The following CA8 variants were observed in gnomAD, a reference collection of about 807,000 sequenced individuals.
The protein encoded by CA8 is carbonic anhydrase-related protein.
In CA8, 22 loss-of-function variants were observed where a neutral mutation model predicts 41.4. The ratio of observed to expected loss-of-function variants is 0.53; its 90% confidence interval spans 0.38 to 0.76. CA8 has a LOEUF of 0.76. Ranked by LOEUF, CA8 falls within the 30% of genes least tolerant of loss-of-function variation. CA8 has a pLI of 0.00. For synonymous variants in CA8, 121 were observed against 130.6 expected (o/e 0.93, Z 0.50); for missense variants, 270 against 352.8 (o/e 0.77, Z 1.88).
At chr8:60,219,252 G>A (rs1167833299) in intron 7 of CA8, among the ~76,000 whole-genome samples, 2 of 151,500 alleles carry the variant, frequency 1.3e-5, no homozygotes, top group South Asian at 2.1e-4. Flanking sequence ...TCCACCACCC[G>A]GGTTCAAGCA....
chr8:60,227,844 CCA>C (rs1379799670), intron 4 of CA8, among the ~76,000 whole-genome samples: 2 of 151,866 alleles, frequency 1.3e-5, no homozygotes, highest in African/African-American at 4.8e-5. Flanking sequence ...TAAAATGCTC[CCA>C]AAAAATGGAG....
chr8:60,249,383 T>C lies in CA8; in HGVS notation c.417+16542A>G, dbSNP rs899407025. 3.3e-5 allele frequency among the ~76,000 whole-genome samples: 5 copies of C among 152,222 alleles called. No homozygotes were observed. The South Asian group carries it at 1.0e-3, about 32-fold the overall frequency. On this transcript the variant is annotated intron_variant, in intron 3 of 8. Transcript: ENST00000317995. ...TATTTCCTACTATTTCTTAGTGGTGTCTTCCATTGTTTACCTAAAACCAAT... is the reference window on the plus strand; with the variant it reads ...TATTTCCTACTATTTCTTAGTGGTGCCTTCCATTGTTTACCTAAAACCAAT...
rs377529327 is a variant in CA8 at position 60,281,177 on chromosome 8, C to G, written c.-30G>C. 6 of 1,480,748 alleles carry G rather than the reference C, an allele frequency of 4.1e-6. No individual in the cohort carries two copies. The highest frequency in any genetic ancestry group is 3.6e-5 in the South Asian group (3 of 82,816). The allele number at this position is 1,480,748 out of a possible 1,614,324, so 91.7% of individuals were successfully genotyped here. On this transcript the variant is annotated 5_prime_UTR_variant, in exon 1 of 9. Coordinates refer to ENST00000317995, the MANE Select transcript of CA8 (RefSeq NM_004056.6). ...AGGCCGCGGGGCCCCTCGGCGCTCT[C>G]GGCAGCAGTGCCTGCGCCTTCGCTG...
chr8:60,196,681 T>C (rs1274110611), intron 8 of CA8, among the ~76,000 whole-genome samples: 1 of 152,164 alleles, frequency 6.6e-6, no homozygotes, highest in Non-Finnish European at 1.5e-5. Context: ...TTCCTTTTTC[T>C]CTTTTATTTT....
At chr8:60,242,712 C>T (rs575573452) in intron 3 of CA8, among the ~76,000 whole-genome samples, 3 of 152,300 alleles carry the variant, frequency 2.0e-5, no homozygotes, top group East Asian at 3.9e-4. Flanking sequence ...GACTGTCTAT[C>T]GTGTGATGCC....
intron 7 of CA8, 26 bp from the exon 8 acceptor site, chr8:60,208,945 G>A (rs1299772163): frequency 1.2e-6 from 2 of 1,611,794 alleles, no homozygotes; most frequent in African/African-American, 1.3e-5. Context: ...GAAGAAAATA[G>A]ATTAATCAAT....
chr8:60,274,614 C>T (rs992807056), intron 2 of CA8, among the ~76,000 whole-genome samples: 21 of 152,214 alleles, frequency 1.4e-4, no homozygotes, highest in African/African-American at 4.8e-4. Context: ...TGGGATGAGG[C>T]TCTTATAAAA....
intron 7 of CA8, among the ~76,000 whole-genome samples, chr8:60,213,766 CTTT>C (rs111255981): frequency 2.1e-5 from 3 of 145,110 alleles, no homozygotes; most frequent in Admixed American, 1.4e-4. Context: ...TTTCTTTTGA[CTTT>C]TTTTTTTTTT....
At chr8:60,235,681 T>C (rs1449189831) in intron 3 of CA8, among the ~76,000 whole-genome samples, 5 of 152,190 alleles carry the variant, frequency 3.3e-5, no homozygotes, top group African/African-American at 4.8e-5. Flanking sequence ...ATAAGTGCTT[T>C]TGAAGGACTA....
intron 8 of CA8, among the ~76,000 whole-genome samples, chr8:60,200,619 T>A (rs945916422): frequency 1.3e-5 from 2 of 152,230 alleles, no homozygotes; most frequent in Non-Finnish European, 2.9e-5. Context: ...TATCAGTAGA[T>A]CTAATGTAGA....
At chr8:60,217,740 C>A (rs538996994) in intron 7 of CA8, among the ~76,000 whole-genome samples, 2 of 152,280 alleles carry the variant, frequency 1.3e-5, no homozygotes, top group Non-Finnish European at 2.9e-5. Context: ...GTCAACCAAG[C>A]CAAATCCAGG....
chr8:60,226,775 G>T, intron 5 of CA8, 98 bp downstream of exon 5: 1 of 726,122 alleles, frequency 1.4e-6, no homozygotes. Context: ...GCTTTTCTGA[G>T]ATCTGTGAGT....
At chr8:60,231,819 C>T (rs916575190) in intron 4 of CA8, among the ~76,000 whole-genome samples, 1 of 152,196 alleles carries the variant, frequency 6.6e-6, no homozygotes, top group African/African-American at 2.4e-5. Context: ...CTGCCAAGGT[C>T]TTTGCCAGTC....
intron 4 of CA8, among the ~76,000 whole-genome samples, chr8:60,230,983 CTTATTT>C (rs1163830772): frequency 6.6e-6 from 1 of 151,424 alleles, no homozygotes; most frequent in African/African-American, 2.4e-5. Context: ...TATTTGTATT[CTTATTT>C]TTATTTTATT....
At chr8:60,231,959 G>A (rs1807662739) in intron 4 of CA8, among the ~76,000 whole-genome samples, 1 of 152,014 alleles carries the variant, frequency 6.6e-6, no homozygotes, top group African/African-American at 2.4e-5. Flanking sequence ...AGATTTTTCT[G>A]TAAACCAGGG....
At chr8:60,190,718 T>C (rs1390529218) in intron 8 of CA8, among the ~76,000 whole-genome samples, 1 of 149,814 alleles carries the variant, frequency 6.7e-6, no homozygotes, top group African/African-American at 2.4e-5. Flanking sequence ...CATATAATTA[T>C]CCAATCATAC....
chr8:60,252,805 T>A (rs1364003863), intron 3 of CA8, among the ~76,000 whole-genome samples: 2 of 150,978 alleles, frequency 1.3e-5, no homozygotes, highest in Non-Finnish European at 2.9e-5. Context: ...AACTAGTGAA[T>A]ATATGAATAT....
intron 3 of CA8, among the ~76,000 whole-genome samples, chr8:60,237,498 G>A (rs551340388): frequency 6.6e-6 from 1 of 152,346 alleles, no homozygotes; most frequent in South Asian, 2.1e-4. Context: ...TTTAGAAGTA[G>A]ACGGGTCACT....
chr8:60,190,646 T>C (rs1806093192), intron 8 of CA8, among the ~76,000 whole-genome samples: 1 of 149,998 alleles, frequency 6.7e-6, no homozygotes, highest in Non-Finnish European at 1.5e-5. Context: ...AGGTAATAAA[T>C]CTCTATTAAA....
Sources: gnomAD v4.1 joint callset for allele counts (sites outside exome capture counted in the v4.1 genomes callset) on GRCh38, gnomAD v4.1.1 for gene constraint, MANE v1.5 for transcripts, NCBI Gene and HGNC (gene_info 2026-07-23, HGNC 2026-07-21) for gene names.